Variants in MS4A4A observed in about 807,000 individuals in gnomAD.
The protein encoded by MS4A4A is membrane-spanning 4-domains subfamily A member 4A.
MS4A4A carries 26 observed loss-of-function variants against 28.0 expected under a neutral mutation model. The ratio of observed to expected loss-of-function variants is 0.93; its 90% CI spans 0.68 to 1.29. MS4A4A has a LOEUF of 1.29. Ranked by LOEUF, MS4A4A falls within the 50% of genes most tolerant of loss-of-function variation. The pLI is 0.00. For synonymous variants in MS4A4A, 86 were observed against 100.8 expected (o/e 0.85, Z 0.88); for missense variants, 290 against 293.1 (o/e 0.99, Z 0.08).
intron 2 of MS4A4A, 132 bp downstream of exon 2, chr11:60,292,516 A>G: frequency 2.2e-6 from 2 of 892,624 alleles, no homozygotes; most frequent in Non-Finnish European, 3.2e-6. Context: ...ATTACTTTTC[A>G]GGCTCTTCAT....
chr11:60,281,860 C>T, intron 1 of MS4A4A, among the ~76,000 whole-genome samples: 1 of 151,982 alleles, frequency 6.6e-6, no homozygotes, highest in East Asian at 1.9e-4. Flanking sequence ...TGTGGCAAAA[C>T]CAAGGTTTAA....
At chr11:60,305,512 A>T (rs1406192867) in intron 5 of MS4A4A, among the ~76,000 whole-genome samples, 1 of 152,218 alleles carries the variant, frequency 6.6e-6, no homozygotes, top group Non-Finnish European at 1.5e-5. Flanking sequence ...GCATCTTCAA[A>T]TCTCTCTTGA....
chr11:60,298,048 T>G (rs1416365275), intron 3 of MS4A4A, among the ~76,000 whole-genome samples: 1 of 150,354 alleles, frequency 6.7e-6, no homozygotes, highest in African/African-American at 2.4e-5. Flanking sequence ...TAATTAATAT[T>G]AAATTAATTA....
chr11:60,297,271 T>C lies in MS4A4A; in HGVS notation c.276T>C (p.Tyr92=), dbSNP rs564179890. The C allele has an allele frequency of 3.7e-6, 6 of 1,613,660 alleles. No homozygotes were observed. Among genetic ancestry groups the C allele is most frequent in the African/African-American group, 2.7e-5 (2 of 75,050 alleles). ...ITMMCMASNT[Y]GSNPISVYIG... ...TGATGTGTATGGCATCTAATACTTA[T>C]GGAAGTAACCCTATTTCCGTGTATA... The change falls in exon 3 of 7, where the codon TAT becomes TAC. Residue 92 remains tyrosine, a synonymous_variant. Transcript: ENST00000337908.
intron 1 of MS4A4A, among the ~76,000 whole-genome samples, chr11:60,283,768 A>G (rs1660876928): frequency 6.6e-6 from 1 of 152,060 alleles, no homozygotes; most frequent in African/African-American, 2.4e-5. Context: ...ACCAAAAATA[A>G]GACCTATTTT....
At position 60,282,368 on chromosome 11, in the gene MS4A4A, GA is replaced by G. The variant is rs765136840; in HGVS notation, c.41+1654del. ...TAAAGTACACATTTAGATGGACTAA[GA>G]AGAATCATCTTTAGTCACTTTCCAA... On this transcript the variant is annotated intron_variant, in intron 1 of 6. Transcript: ENST00000337908. 6.2e-4 allele frequency among the ~76,000 whole-genome samples: 94 copies of G among 152,330 alleles called. 3 individuals are homozygous for G. The highest frequency in any genetic ancestry group is 1.5e-4 in the Non-Finnish European group (10 of 68,030).
chr11:60,287,093 T>C (rs770281505), intron 1 of MS4A4A, among the ~76,000 whole-genome samples: 38 of 152,232 alleles, frequency 2.5e-4, no homozygotes, highest in Non-Finnish European at 4.6e-4. Flanking sequence ...GTTTTATAAA[T>C]TGACTATTTT....
intron 5 of MS4A4A, among the ~76,000 whole-genome samples, chr11:60,303,936 T>A (rs749238129): frequency 1.3e-5 from 2 of 152,222 alleles, no homozygotes; most frequent in Non-Finnish European, 2.9e-5. Context: ...GTGGGCTATA[T>A]AATCACACCA....
chr11:60,283,456 G>C (rs1401554108), intron 1 of MS4A4A, among the ~76,000 whole-genome samples: 2 of 151,932 alleles, frequency 1.3e-5, no homozygotes, highest in South Asian at 2.1e-4. Context: ...AGCCCTCTTA[G>C]GGTTCCTGTT....
chr11:60,293,628 A>G (rs1481408636), intron 2 of MS4A4A, among the ~76,000 whole-genome samples: 1 of 152,252 alleles, frequency 6.6e-6, no homozygotes, highest in Admixed American at 6.5e-5. Flanking sequence ...GTAGTATCAC[A>G]TAGTATCCCA....
chr11:60,281,539 T>C (rs1484679403), intron 1 of MS4A4A, among the ~76,000 whole-genome samples: 1 of 152,212 alleles, frequency 6.6e-6, no homozygotes, highest in Non-Finnish European at 1.5e-5. Context: ...CCACCACTTC[T>C]GCATCCCCAT....
At chr11:60,284,138 A>G (rs370422607) in intron 1 of MS4A4A, among the ~76,000 whole-genome samples, 1 of 152,232 alleles carries the variant, frequency 6.6e-6, no homozygotes, top group African/African-American at 2.4e-5. Context: ...ACCTGGATTT[A>G]AATTTTGGCC....
At chr11:60,306,508 C>A (rs1449917157) in intron 6 of MS4A4A, among the ~76,000 whole-genome samples, 1 of 152,166 alleles carries the variant, frequency 6.6e-6, no homozygotes, top group Non-Finnish European at 1.5e-5. Context: ...CAGCCGGTTG[C>A]TAATGCTTTA....
At chr11:60,297,173 T>G in intron 2 of MS4A4A, 24 bp from the exon 3 acceptor site, 2 of 1,611,458 alleles carry the variant, frequency 1.2e-6, no homozygotes, top group Non-Finnish European at 1.7e-6. Flanking sequence ...GACAATCAGT[T>G]TTTGCTTTCT....
intron 1 of MS4A4A, among the ~76,000 whole-genome samples, chr11:60,283,027 T>C (rs766971286): frequency 7.9e-5 from 12 of 151,898 alleles, no homozygotes; most frequent in Non-Finnish European, 1.8e-4. Context: ...AGTTGAAAAA[T>C]GGTTGTGTAG....
intron 5 of MS4A4A, among the ~76,000 whole-genome samples, chr11:60,304,619 GC>G (rs2084981806): frequency 6.6e-6 from 1 of 152,166 alleles, no homozygotes; most frequent in African/African-American, 2.4e-5. Flanking sequence ...TGGAGGCCCA[GC>G]CCTGTACCTG....
chr11:60,281,853 G>C (rs1373173883), intron 1 of MS4A4A, among the ~76,000 whole-genome samples: 2 of 152,106 alleles, frequency 1.3e-5, no homozygotes, highest in Non-Finnish European at 2.9e-5. Flanking sequence ...TAGGTGATGT[G>C]GCAAAACCAA....
intron 1 of MS4A4A, among the ~76,000 whole-genome samples, chr11:60,292,008 T>C (rs1359658018): frequency 1.5e-5 from 2 of 136,146 alleles, no homozygotes; most frequent in African/African-American, 5.5e-5. Context: ...TTCTAGCATC[T>C]TGATATCATA....
intron 1 of MS4A4A, chr11:60,282,656 T>C (rs1010958499): frequency 3.1e-6 from 4 of 1,284,902 alleles, no homozygotes; most frequent in Admixed American, 2.4e-5. Flanking sequence ...TGTCTCAATA[T>C]AGGAATGAAA....
Sources: allele counts gnomAD v4.1 joint callset (sites outside exome capture counted in the v4.1 genomes callset), GRCh38; gene constraint gnomAD v4.1.1; transcripts MANE v1.5; gene names NCBI Gene and HGNC (gene_info 2026-07-23, HGNC 2026-07-21).